CCDC141: variants seen among roughly 807,000 people sequenced by gnomAD.
CCDC141 encodes the protein coiled-coil domain-containing protein 141.
A neutral mutation model predicts 181.0 loss-of-function variants in CCDC141; 168 were observed. The ratio of observed to expected loss-of-function variants is 0.93; its 90% confidence interval spans 0.82 to 1.05. The LOEUF (loss-of-function observed/expected upper bound fraction) is 1.05, where lower values mean the gene tolerates loss of function less well. CCDC141 is among the 50% of genes least tolerant of loss of function. The pLI is 0.00. For missense variants in CCDC141, 1,902 were observed against 1,788.5 expected (o/e 1.06, Z -1.14); for synonymous variants, 666 against 642.3 (o/e 1.04, Z -0.56).
In CCDC141 at chr2:178,859,290, A is replaced by G. The variant is rs1231370929; in HGVS notation, c.2725-2893T>C. On this transcript the variant is annotated intron_variant, in intron 17 of 23. Transcript: ENST00000443758. ...GCGATTGAAAAATCTTGCCATTCTT[A>G]ATTTTCTTACCTGCACTTTCCAATA... 2.0e-5 allele frequency among the ~76,000 whole-genome samples: 3 copies of G among 152,200 alleles called. No homozygotes were observed. In the East Asian group the frequency reaches 5.8e-4, roughly 29 times the overall value.
chr2:178,881,785 C>T (rs199784180), intron 11 of CCDC141, among the ~76,000 whole-genome samples: 1 of 151,788 alleles, frequency 6.6e-6, no homozygotes, highest in Non-Finnish European at 1.5e-5. Flanking sequence ...TCCCAGCTAC[C>T]TGGGAGGCCG....
intron 2 of CCDC141, among the ~76,000 whole-genome samples, chr2:178,994,394 C>A (rs958533323): frequency 6.6e-6 from 1 of 152,214 alleles, no homozygotes; most frequent in African/African-American, 2.4e-5. Context: ...GAAGCTACAG[C>A]CCAAGCTCTG....
chr2:178,870,005 G>A lies in CCDC141; in HGVS notation c.2206-700C>T, dbSNP rs556912554. 1.4e-4 allele frequency among the ~76,000 whole-genome samples: 22 copies of A among 152,278 alleles called. No individual in the cohort carries two copies. In the East Asian group the frequency reaches 4.2e-3, roughly 29 times the overall value. ...CCAGCACTTTGGGAGGCCAAGGAGG[G>A]TGGACCACCTGAAGGCAGGAGTTCA... is the stretch of plus-strand genomic sequence containing the variant. On this transcript the variant is annotated intron_variant, in intron 14 of 23. Coordinates refer to ENST00000443758, the MANE Select transcript of CCDC141 (RefSeq NM_173648.4).
At position 179,050,105 on chromosome 2, in the gene CCDC141, C is replaced by A. The variant is rs530525947; in HGVS notation, c.-164G>T. 9.7e-4 allele frequency: 1,032 copies of A among 1,068,350 alleles called. 2 individuals are homozygous for A. Among genetic ancestry groups the A allele is most frequent in the Middle Eastern group, 2.2e-3 (7 of 3,114 alleles). The allele number at this position is 1,068,350 out of a possible 1,614,324, so 66.2% of individuals were successfully genotyped here. ...AGAACAGGAGGTTAAAAATAGACAACCCCATTGAGTTTATCGTGAGAGAGA... is the reference window on the plus strand; with the variant it reads ...AGAACAGGAGGTTAAAAATAGACAAACCCATTGAGTTTATCGTGAGAGAGA... On this transcript the variant is annotated 5_prime_UTR_variant, in exon 1 of 24. Transcript: ENST00000443758.
chr2:179,024,631 T>G (rs1394970402), intron 2 of CCDC141, among the ~76,000 whole-genome samples: 1 of 152,128 alleles, frequency 6.6e-6, no homozygotes, highest in Non-Finnish European at 1.5e-5. Flanking sequence ...CAAGAAGGTT[T>G]CAGAGAGCAA....
At chr2:178,944,925 A>G (rs781128638) in intron 5 of CCDC141, among the ~76,000 whole-genome samples, 1 of 152,180 alleles carries the variant, frequency 6.6e-6, no homozygotes, top group Non-Finnish European at 1.5e-5. Context: ...TCTCCTAACA[A>G]AGAATCAAAA....
chr2:179,017,984 G>A (rs2042590336), intron 2 of CCDC141, among the ~76,000 whole-genome samples: 1 of 152,250 alleles, frequency 6.6e-6, no homozygotes, highest in East Asian at 1.9e-4. Flanking sequence ...CTGAGAAAAA[G>A]ATGTTCTGGC....
intron 8 of CCDC141, among the ~76,000 whole-genome samples, chr2:178,901,807 A>T (rs1687707698): frequency 6.6e-6 from 1 of 152,130 alleles, no homozygotes; most frequent in African/African-American, 2.4e-5. Flanking sequence ...GGAAAAGAGG[A>T]GGTCAAATTG....
intron 17 of CCDC141, among the ~76,000 whole-genome samples, chr2:178,858,683 C>T (rs558809596): frequency 1.3e-5 from 2 of 152,112 alleles, no homozygotes; most frequent in South Asian, 4.2e-4. Context: ...AAAAAATGCC[C>T]TGTCACTAAC....
intron 4 of CCDC141, among the ~76,000 whole-genome samples, chr2:178,967,742 A>C (rs1690703438): frequency 6.6e-6 from 1 of 152,198 alleles, no homozygotes; most frequent in African/African-American, 2.4e-5. Context: ...ACATAACAAT[A>C]TTAACCTTAA....
At chr2:179,045,142 C>G in intron 2 of CCDC141, among the ~76,000 whole-genome samples, 1 of 149,356 alleles carries the variant, frequency 6.7e-6, no homozygotes, top group Admixed American at 6.7e-5. Flanking sequence ...GGTATATCTC[C>G]CAATGCTATC....
At chr2:178,988,800 A>G (rs796520700) in intron 2 of CCDC141, among the ~76,000 whole-genome samples, 30 of 152,306 alleles carry the variant, frequency 2.0e-4, no homozygotes, top group African/African-American at 7.0e-4. Flanking sequence ...TGACATAAGG[A>G]TAGACATATA....
At chr2:178,874,405 CTAAG>C (rs1686264422) in intron 12 of CCDC141, 1 of 152,132 alleles carries the variant, frequency 6.6e-6, no homozygotes, top group East Asian at 1.9e-4. Flanking sequence ...TCTGGGAGAT[CTAAG>C]TGGGCATTGA....
intron 8 of CCDC141, among the ~76,000 whole-genome samples, chr2:178,898,424 T>G (rs1371305359): frequency 1.3e-5 from 2 of 152,196 alleles, no homozygotes; most frequent in African/African-American, 2.4e-5. Flanking sequence ...GTCTCAGTTA[T>G]TCTTCTACAG....
intron 8 of CCDC141, among the ~76,000 whole-genome samples, chr2:178,891,915 T>C (rs1687171142): frequency 6.6e-6 from 1 of 152,176 alleles, no homozygotes; most frequent in Non-Finnish European, 1.5e-5. Context: ...TTTATTCTTA[T>C]ATCCCTTGTA....
At chr2:178,981,559 T>C (rs1465213750) in intron 2 of CCDC141, among the ~76,000 whole-genome samples, 2 of 148,822 alleles carry the variant, frequency 1.3e-5, no homozygotes, top group Non-Finnish European at 3.0e-5. Context: ...AAAATGAAAA[T>C]ATGATGTATC....
intron 8 of CCDC141, among the ~76,000 whole-genome samples, chr2:178,903,197 G>A (rs1687790663): frequency 3.4e-5 from 5 of 147,928 alleles, no homozygotes; most frequent in African/African-American, 7.3e-5. Flanking sequence ...AAGTCAGTGT[G>A]GCGATTCCTC....
At chr2:178,860,103 C>T (rs978255105) in intron 17 of CCDC141, among the ~76,000 whole-genome samples, 7 of 152,272 alleles carry the variant, frequency 4.6e-5, no homozygotes, top group African/African-American at 1.7e-4. Flanking sequence ...TCCACAATGT[C>T]CACTTCATGA....
At chr2:179,043,254 C>A (rs1432630879) in intron 2 of CCDC141, among the ~76,000 whole-genome samples, 2 of 152,100 alleles carry the variant, frequency 1.3e-5, no homozygotes, top group Admixed American at 1.3e-4. Context: ...AAAAAAAGCC[C>A]AGGACCAGGT....
Sources: allele counts gnomAD v4.1 joint callset (sites outside exome capture counted in the v4.1 genomes callset), GRCh38; gene constraint gnomAD v4.1.1; transcripts MANE v1.5; gene names NCBI Gene and HGNC (gene_info 2026-07-23, HGNC 2026-07-21).